CC2D2B: variants seen among roughly 807,000 people sequenced by gnomAD.
CC2D2B encodes protein CC2D2B.
A neutral mutation model predicts 161.2 loss-of-function variants in CC2D2B; 128 were observed. That is an observed-to-expected ratio of 0.79 (90% confidence interval 0.69 to 0.92). The LOEUF (loss-of-function observed/expected upper bound fraction) is 0.92, where lower values mean the gene tolerates loss of function less well. Ranked by LOEUF, CC2D2B falls within the 40% of genes least tolerant of loss-of-function variation. CC2D2B has a pLI of 0.00. For missense variants in CC2D2B, 1,173 were observed against 1,375.1 expected, an observed-to-expected ratio of 0.85 and a Z score of 2.32; for synonymous variants, 391 against 449.8, an observed-to-expected ratio of 0.87 and a Z score of 1.65.
At chr10:95,940,206 T>C (rs1488850055) in intron 9 of CC2D2B, among the ~76,000 whole-genome samples, 1 of 151,996 alleles carries the variant, frequency 6.6e-6, no homozygotes, top group Non-Finnish European at 1.5e-5. Flanking sequence ...GAGAACTCTA[T>C]CACCAGAACA....
intron 22 of CC2D2B, among the ~76,000 whole-genome samples, chr10:95,994,785 A>C (rs2078166643): frequency 6.6e-6 from 1 of 152,216 alleles, no homozygotes; most frequent in African/African-American, 2.4e-5. Flanking sequence ...AAAAAGAGTA[A>C]TATTAAAAGC....
chr10:96,027,122 T>G, intron 33 of CC2D2B, 90 bp from the exon 34 acceptor site: 1 of 896,468 alleles, frequency 1.1e-6, no homozygotes, highest in Non-Finnish European at 1.6e-6. Context: ...AGACTTCGTC[T>G]CAAAAAAAAA....
At chr10:96,025,007 AAAGGAGTTTATAATATTTCC>A in intron 33 of CC2D2B, 96 bp downstream of exon 33, 3 of 679,484 alleles carry the variant, frequency 4.4e-6, no homozygotes, top group Non-Finnish European at 7.3e-6. Context: ...GAAACATGAA[AAAGGAGTTTATAATATTTCC>A]AGCTGGCCCA....
chr10:95,962,239 G>A lies in CC2D2B; in HGVS notation c.1250+270G>A, dbSNP rs1245706027. Among the ~76,000 whole-genome samples the A allele has an allele frequency of 5.3e-5, 8 of 152,142 alleles. No homozygotes were observed. In the East Asian group the frequency reaches 1.4e-3, roughly 26 times the overall value. ...GACACTTCACTCAAGAATGTGTATGGATGGGAAATGAACACATGAAAAGAT... is the reference window on the plus strand; with the variant it reads ...GACACTTCACTCAAGAATGTGTATGAATGGGAAATGAACACATGAAAAGAT... On this transcript the variant is annotated intron_variant, in intron 12 of 34. Transcript: ENST00000646931.
intron 9 of CC2D2B, among the ~76,000 whole-genome samples, chr10:95,939,639 G>A (rs959775236): frequency 6.6e-6 from 1 of 152,158 alleles, no homozygotes; most frequent in Non-Finnish European, 1.5e-5. Context: ...TTATATTCCT[G>A]TCAACATTTG....
At chr10:95,998,186 C>G (rs776149338) in intron 24 of CC2D2B, among the ~76,000 whole-genome samples, 8 of 151,984 alleles carry the variant, frequency 5.3e-5, no homozygotes, top group Non-Finnish European at 8.8e-5. Flanking sequence ...GCCCTCACCA[C>G]AGCACACACA....
At chr10:96,015,141 TG>T (rs1564672596) in intron 29 of CC2D2B, among the ~76,000 whole-genome samples, 1 of 151,522 alleles carries the variant, frequency 6.6e-6, no homozygotes, top group Non-Finnish European at 1.5e-5. Flanking sequence ...CTCGACTCAC[TG>T]CAACCTCTAA....
At chr10:95,957,893 A>G (rs1238913357) in intron 11 of CC2D2B, among the ~76,000 whole-genome samples, 1 of 151,756 alleles carries the variant, frequency 6.6e-6, no homozygotes, top group Non-Finnish European at 1.5e-5. Flanking sequence ...ACAATAACAA[A>G]AAACAGAAAG....
intron 24 of CC2D2B, among the ~76,000 whole-genome samples, chr10:96,002,599 GCCCCGC>G (rs2078548451): frequency 6.6e-6 from 1 of 152,132 alleles, no homozygotes; most frequent in East Asian, 1.9e-4. Flanking sequence ...AATATTGCCT[GCCCCGC>G]CCTTTCTTAG....
Position 96,031,859 on chromosome 10 carries a change from C to T in CC2D2B, c.4165C>T (p.Gln1389Ter), listed in dbSNP as rs1299468832. The change falls in exon 35 of 35, where the codon CAG becomes TAG. Residue 1389 changes from glutamine (Q) to a stop codon, truncating the protein, a stop_gained. Coordinates refer to ENST00000646931, the MANE Select transcript of CC2D2B (RefSeq NM_001349008.3). LOFTEE classifies it high-confidence loss of function. ...CATCCAGATGCCATACATTGATGTA[C>T]AGTCAATTATTGATGCTGTTTATCA... ...FPIQMPYIDV[Q>*]SIIDAVYQTG... 2 of 1,613,682 alleles carry T rather than the reference C, an allele frequency of 1.2e-6. No homozygotes were observed. The highest frequency in any genetic ancestry group is 1.7e-5 in the Admixed American group (1 of 60,002).
chr10:95,966,090 C>A, intron 13 of CC2D2B, 92 bp downstream of exon 13: 2 of 706,644 alleles, frequency 2.8e-6, no homozygotes, highest in Non-Finnish European at 3.9e-6. Context: ...TAAAAGTTAT[C>A]CAACAAACTG....
At chr10:96,007,476 A>G (rs1318476416) in intron 25 of CC2D2B, among the ~76,000 whole-genome samples, 1 of 152,164 alleles carries the variant, frequency 6.6e-6, no homozygotes, top group Non-Finnish European at 1.5e-5. Context: ...TCAGAATTCC[A>G]AGGACTTGAT....
intron 29 of CC2D2B, 105 bp downstream of exon 29, chr10:96,013,982 T>A (rs1391247858): frequency 9.1e-6 from 4 of 441,090 alleles, no homozygotes; most frequent in Non-Finnish European, 1.5e-5. Flanking sequence ...CTTGTGAAAT[T>A]TAAAAGTATT....
intron 34 of CC2D2B, among the ~76,000 whole-genome samples, chr10:96,029,312 CTATA>C (rs2079964652): frequency 1.0e-5 from 1 of 99,846 alleles, no homozygotes; most frequent in African/African-American, 3.2e-5. Flanking sequence ...ATATGTATAT[CTATA>C]TATGTACTAT....
At chr10:95,934,450 C>A (rs199944847) in intron 6 of CC2D2B, among the ~76,000 whole-genome samples, 13,894 of 147,272 alleles carry the variant, frequency 0.094, 1,653 homozygotes, top group East Asian at 0.66. Context: ...AAAAAAAAAA[C>A]AAACAAACAA....
intron 9 of CC2D2B, among the ~76,000 whole-genome samples, chr10:95,943,138 C>T (rs1183195342): frequency 6.6e-6 from 1 of 152,162 alleles, no homozygotes; most frequent in Non-Finnish European, 1.5e-5. Context: ...TCCTGCAGCT[C>T]CTTCGGTCCT....
intron 32 of CC2D2B, among the ~76,000 whole-genome samples, chr10:96,023,885 C>T (rs1306307824): frequency 6.6e-6 from 1 of 152,206 alleles, no homozygotes; most frequent in Non-Finnish European, 1.5e-5. Flanking sequence ...CGAACAAGTT[C>T]CCGGATGTGA....
intron 2 of CC2D2B, 75 bp from the exon 3 acceptor site, chr10:95,921,941 A>G (rs2098528220): frequency 1.6e-6 from 1 of 620,512 alleles, no homozygotes; most frequent in Non-Finnish European, 2.6e-6. Flanking sequence ...GACTTAAAGT[A>G]TAATAATAAT....
At position 96,019,725 on chromosome 10, in the gene CC2D2B, T is replaced by C; in HGVS notation, c.3789T>C (p.Asn1263=). 6.3e-7 allele frequency: 1 copy of C among 1,597,114 alleles called. No individual in the cohort carries two copies. The highest frequency in any genetic ancestry group is 8.5e-7 in the Non-Finnish European group (1 of 1,174,250). ...AGGTCTGGTTTAATATTCAACAAAA[T>C]AATACACCAATGGCTGTATTTTTTG... is the stretch of plus-strand genomic sequence containing the variant. The part of the protein sequence containing the change: ...DRNVWFNIQQ[N]NTPMAVFFDY... Residue 1263 remains asparagine, a synonymous_variant, in exon 32 of 35, where the codon AAT becomes AAC. Coordinates refer to ENST00000646931, the MANE Select transcript of CC2D2B (RefSeq NM_001349008.3).
Sources: gnomAD v4.1 joint callset for allele counts (sites outside exome capture counted in the v4.1 genomes callset) on GRCh38, gnomAD v4.1.1 for gene constraint, MANE v1.5 for transcripts, NCBI Gene and HGNC (gene_info 2026-07-23, HGNC 2026-07-21) for gene names.